The following TFEB variants were observed in gnomAD, a reference collection of about 807,000 sequenced individuals.
TFEB encodes T-cell transcription factor EB.
TFEB carries 12 observed loss-of-function variants against 48.0 expected under a neutral mutation model. The observed-to-expected ratio is 0.25, with a 90% CI of 0.16 to 0.40. The LOEUF (loss-of-function observed/expected upper bound fraction) is 0.40, where lower values mean the gene tolerates loss of function less well. Ranked by LOEUF, TFEB falls within the 10% of genes least tolerant of loss-of-function variation. TFEB has a pLI of 1.00. For missense variants in TFEB, 509 were observed against 640.3 expected (o/e 0.79, Z 2.21); for synonymous variants, 244 against 261.4 (o/e 0.93, Z 0.64).
chr6:41,711,339 C>T (rs1365495955), intron 1 of TFEB, among the ~76,000 whole-genome samples: 1 of 152,234 alleles, frequency 6.6e-6, no homozygotes, highest in African/African-American at 2.4e-5. Context: ...GACACTCGGA[C>T]ATGGCCCTCT....
At chr6:41,735,217 G>C in intron 1 of TFEB, 133 bp downstream of exon 1, 1 of 910,392 alleles carries the variant, frequency 1.1e-6, no homozygotes, top group Non-Finnish European at 1.3e-6. Context: ...CGGCGCGCAC[G>C]GTCCTGCTTC....
intron 8 of TFEB, among the ~76,000 whole-genome samples, 196 bp downstream of exon 8, chr6:41,685,894 C>A (rs73735931): frequency 7.9e-4 from 120 of 152,364 alleles, no homozygotes; most frequent in African/African-American, 2.5e-3. Flanking sequence ...AGAACAGAAC[C>A]TCCAGCTGAT....
At chr6:41,731,177 T>C (rs1009787269) in intron 1 of TFEB, among the ~76,000 whole-genome samples, 4 of 152,168 alleles carry the variant, frequency 2.6e-5, no homozygotes, top group African/African-American at 7.2e-5. Flanking sequence ...ACAGCACTAG[T>C]AGGTGGGTGC....
At chr6:41,714,352 A>G (rs1011914741) in intron 1 of TFEB, among the ~76,000 whole-genome samples, 2 of 152,224 alleles carry the variant, frequency 1.3e-5, no homozygotes, top group South Asian at 2.1e-4. Flanking sequence ...TGTTTTCCAG[A>G]TGAACAAACT....
chr6:41,734,326 C>T lies in TFEB; in HGVS notation c.-23+1024G>A. On this transcript the variant is annotated intron_variant, in intron 1 of 8. Transcript: ENST00000373033. The surrounding 1 kb of genome is among the most constrained non-coding windows in gnomAD (Gnocchi z 4.0). Reference sequence around the variant, plus strand: ...TCCCTTCCTCACCCGGGGCGCGGGGCTGGGGCGCGCCAGGCGGCTGCGGCG... The same window carrying T: ...TCCCTTCCTCACCCGGGGCGCGGGGTTGGGGCGCGCCAGGCGGCTGCGGCG... 1 of 984,558 alleles carries T rather than the reference C, an allele frequency of 1.0e-6. No individual in the cohort carries two copies. The highest frequency in any genetic ancestry group is 1.2e-6 in the Non-Finnish European group (1 of 829,404). 61.0% of individuals were successfully genotyped at this position (984,558 alleles called of 1,614,324 possible).
chr6:41,689,290 A>G (rs1437743124), intron 4 of TFEB, among the ~76,000 whole-genome samples: 1 of 152,122 alleles, frequency 6.6e-6, no homozygotes, highest in East Asian at 1.9e-4. Context: ...TGCCCCATGG[A>G]GTAAGAGACA....
intron 8 of TFEB, 39 bp downstream of exon 8, chr6:41,686,051 G>C (rs749693496): frequency 3.1e-6 from 5 of 1,613,696 alleles, no homozygotes; most frequent in Non-Finnish European, 4.2e-6. Context: ...CCAGGTTAAG[G>C]GTCAGAGTTA....
chr6:41,732,807 A>C (rs947651435), intron 1 of TFEB: 14 of 985,462 alleles, frequency 1.4e-5, no homozygotes, highest in Non-Finnish European at 1.6e-5. Context: ...GGAACCCTGA[A>C]CTCCCACCCT....
In TFEB at chr6:41,690,719, T is replaced by G; in HGVS notation, c.412A>C (p.Ser138Arg). The change falls in exon 3 of 9, where the codon AGT becomes CGT. Residue 138 changes from serine (S) to arginine (R), a missense_variant. Ser to Arg is a moderately radical substitution (Grantham distance 110). Transcript: ENST00000373033. ...ATGGCCATGGGGCTATTGGGAGCAC[T>G]GTTGCCAGCGGAGGAGGACAGCACG... ...GHVLSSSAGN[S>R]APNSPMAMLH... is the part of the protein sequence containing the mutation. The G allele has an allele frequency of 6.3e-7, 1 of 1,584,182 alleles. No individual in the cohort carries two copies. The highest frequency in any genetic ancestry group is 8.6e-7 in the Non-Finnish European group (1 of 1,160,960).
chr6:41,694,016 G>A (rs1769447949), intron 1 of TFEB, among the ~76,000 whole-genome samples: 1 of 151,914 alleles, frequency 6.6e-6, no homozygotes, highest in Non-Finnish European at 1.5e-5. Context: ...CCACCCTTGG[G>A]GACAATCTGA....
chr6:41,732,287 G>A (rs1771485341), intron 1 of TFEB, among the ~76,000 whole-genome samples: 1 of 152,182 alleles, frequency 6.6e-6, no homozygotes, highest in Admixed American at 6.5e-5. Context: ...AGACTTTGGA[G>A]TCAATTGGAC....
In TFEB at chr6:41,735,584, G is replaced by A. The variant is rs1000888762; in HGVS notation, c.-257C>T. On this transcript the variant is annotated 5_prime_UTR_variant, in exon 1 of 9. Transcript: ENST00000373033. Reference sequence around the variant, plus strand: ...GCTGTCACCGAGCCCCGCGCCCGGCGCCCGGGCTCCGGCTGTCACTCCACG... The same window carrying A: ...GCTGTCACCGAGCCCCGCGCCCGGCACCCGGGCTCCGGCTGTCACTCCACG... 2 of 982,348 alleles carry A rather than the reference G, an allele frequency of 2.0e-6. No individual in the cohort carries two copies. Among genetic ancestry groups the A allele is most frequent in the Non-Finnish European group, 2.4e-6 (2 of 827,526 alleles). The allele number at this position is 982,348 out of a possible 1,614,324, so 60.9% of individuals were successfully genotyped here.
At chr6:41,688,942 G>A (rs1431779858) in intron 4 of TFEB, among the ~76,000 whole-genome samples, 1 of 152,196 alleles carries the variant, frequency 6.6e-6, no homozygotes, top group Non-Finnish European at 1.5e-5. Context: ...TGAGGTTCAG[G>A]AGCTCCAAAG....
chr6:41,709,527 TGGTG>T (rs946688958), intron 1 of TFEB, among the ~76,000 whole-genome samples: 3 of 117,832 alleles, frequency 2.5e-5, no homozygotes, highest in Non-Finnish European at 3.5e-5. Flanking sequence ...ATATAATGGT[TGGTG>T]GATGGATGGA....
At chr6:41,692,040 G>A (rs578222741) in intron 1 of TFEB, among the ~76,000 whole-genome samples, 36 of 152,154 alleles carry the variant, frequency 2.4e-4, no homozygotes, top group African/African-American at 8.0e-4. Context: ...AGGCTCAAAT[G>A]TTACCTTACA....
intron 1 of TFEB, among the ~76,000 whole-genome samples, chr6:41,719,400 G>C (rs1405239695): frequency 6.6e-6 from 1 of 152,202 alleles, no homozygotes; most frequent in Non-Finnish European, 1.5e-5. Flanking sequence ...TGGAAAAACT[G>C]TCTTCCACGA....
intron 1 of TFEB, among the ~76,000 whole-genome samples, chr6:41,729,842 A>T (rs1771377650): frequency 6.6e-6 from 1 of 152,356 alleles, no homozygotes; most frequent in Admixed American, 6.5e-5. Context: ...TACCAGGCCC[A>T]AAGTCAGAGA....
At position 41,691,428 on chromosome 6, in the gene TFEB, C is replaced by G. The variant is rs1370060681; in HGVS notation, c.-22-193G>C. ...CAGCTGAGACATGAATCCAAGTTTC[C>G]TGGTTCCTGGACCAAAACTGAAGGT... On this transcript the variant is annotated intron_variant, in intron 1 of 8. Coordinates refer to ENST00000373033, the MANE Select transcript of TFEB (RefSeq NM_001271944.2). This position sits in a 1 kb window ranked among gnomAD's most constrained non-coding sequence, Gnocchi z 5.2. The G allele has an allele frequency of 1.4e-6, 1 of 731,462 alleles. No homozygotes were observed. The highest frequency in any genetic ancestry group is 1.5e-5 in the South Asian group (1 of 67,012). 45.3% of individuals were successfully genotyped at this position (731,462 alleles called of 1,614,324 possible).
rs144355113 is a variant in TFEB, at chr6:41,697,649, C to T, written c.-22-6414G>A. ...TGTCAAAGCCTTGAAAAATATTCACCAGTCCAAGGAAGTAATCATAGATGC... is the reference window on the plus strand; with the variant it reads ...TGTCAAAGCCTTGAAAAATATTCACTAGTCCAAGGAAGTAATCATAGATGC... On this transcript the variant is annotated intron_variant, in intron 1 of 8. Transcript: ENST00000373033. 6.8e-3 allele frequency among the ~76,000 whole-genome samples: 1,041 copies of T among 152,130 alleles called. 8 individuals carry two copies. Among genetic ancestry groups the T allele is most frequent in the African/African-American group, 0.022 (933 of 41,478 alleles).
Sources: gnomAD v4.1 joint callset for allele counts (sites outside exome capture counted in the v4.1 genomes callset) on GRCh38, gnomAD v4.1.1 for gene constraint, Gnocchi (gnomAD v3.1) non-coding constraint, MANE v1.5 for transcripts, NCBI Gene and HGNC (gene_info 2026-07-23, HGNC 2026-07-21) for gene names.